EPHA3: variants seen among roughly 807,000 people sequenced by gnomAD.
EPHA3 encodes the protein EPH receptor A3, also known as ephrin type-A receptor 3.
Under a neutral mutation model 107.1 loss-of-function variants are expected in EPHA3, and 42 were observed. That is an observed-to-expected ratio of 0.39 (90% CI 0.31 to 0.51). The LOEUF is 0.51. Ranked by LOEUF, EPHA3 falls within the 20% of genes least tolerant of loss-of-function variation. The pLI is 0.78. For synonymous variants in EPHA3, 461 were observed against 424.8 expected, an observed-to-expected ratio of 1.09 and a Z score of -1.05; for missense variants, 1,183 against 1,211.2, an observed-to-expected ratio of 0.98 and a Z score of 0.35.
At chr3:89,256,474 G>A (rs1705288245) in intron 3 of EPHA3, among the ~76,000 whole-genome samples, 1 of 152,078 alleles carries the variant, frequency 6.6e-6, no homozygotes, top group Non-Finnish European at 1.5e-5. Flanking sequence ...GGGAACCTGA[G>A]GCAGGAGAAT....
chr3:89,201,132 A>G (rs1401372546), intron 2 of EPHA3, among the ~76,000 whole-genome samples: 2 of 152,184 alleles, frequency 1.3e-5, no homozygotes, highest in Non-Finnish European at 2.9e-5. Context: ...CAATCATGGC[A>G]GAAGGCAAAA....
intron 2 of EPHA3, among the ~76,000 whole-genome samples, chr3:89,151,181 G>A (rs1045558106): frequency 5.3e-5 from 8 of 151,988 alleles, no homozygotes; most frequent in East Asian, 1.9e-4. Flanking sequence ...AATATGTGCC[G>A]TCGAAAGCCA....
At chr3:89,447,886 GC>G (rs1464396046) in intron 13 of EPHA3, among the ~76,000 whole-genome samples, 1 of 152,044 alleles carries the variant, frequency 6.6e-6, no homozygotes. Flanking sequence ...GCACTATATT[GC>G]CCCCTTGAGC....
At position 89,107,701 on chromosome 3, in the gene EPHA3, C is replaced by T. The variant is rs754889341; in HGVS notation, c.-48C>T. 1 of 1,540,872 alleles carries T rather than the reference C, an allele frequency of 6.5e-7. No individual in the cohort carries two copies. The highest frequency in any genetic ancestry group is 9.0e-7 in the Non-Finnish European group (1 of 1,114,308). On this transcript the variant is annotated 5_prime_UTR_variant, in exon 1 of 17. Transcript: ENST00000336596. ...AGAGCGCTCCCCCTCACATCAGTGG[C>T]ATGCTTCATGGAGATATGCTCCTCT... is the stretch of plus-strand genomic sequence containing the variant.
chr3:89,205,044 T>C (rs1305169240), intron 2 of EPHA3, among the ~76,000 whole-genome samples: 1 of 152,174 alleles, frequency 6.6e-6, no homozygotes, highest in East Asian at 1.9e-4. Context: ...TCCCTTATAT[T>C]GTCATCCACA....
intron 2 of EPHA3, among the ~76,000 whole-genome samples, chr3:89,181,556 G>T (rs1705443114): frequency 6.6e-6 from 1 of 151,890 alleles, no homozygotes; most frequent in Non-Finnish European, 1.5e-5. Flanking sequence ...AGATGGTAGT[G>T]GAGAGAGATA....
intron 11 of EPHA3, among the ~76,000 whole-genome samples, chr3:89,419,947 A>G (rs1312807355): frequency 6.6e-6 from 1 of 151,518 alleles, no homozygotes; most frequent in Middle Eastern, 3.4e-3. Context: ...CTAGAAACCC[A>G]GGTGGATTCT....
In EPHA3 at chr3:89,481,319, T is replaced by C. The variant is rs1185574464; in HGVS notation, c.*1817T>C. ...ATATTCCTTAGTCAAATCAGGCTAC[T>C]AGAATTCTGTATTGGATATATAAGA... is the stretch of plus-strand genomic sequence containing the variant. On this transcript the variant is annotated 3_prime_UTR_variant, in exon 17 of 17. Coordinates refer to ENST00000336596, the MANE Select transcript of EPHA3 (RefSeq NM_005233.6). The C allele has an allele frequency of 1.3e-5, 3 of 232,136 alleles. No homozygotes were observed. The highest frequency in any genetic ancestry group is 6.6e-5 in the African/African-American group (3 of 45,314). The allele number at this position is 232,136 out of a possible 1,614,324, so 14.4% of individuals were successfully genotyped here.
intron 3 of EPHA3, among the ~76,000 whole-genome samples, chr3:89,306,765 T>C (rs1706632997): frequency 6.6e-6 from 1 of 152,168 alleles, no homozygotes; most frequent in African/African-American, 2.4e-5. Context: ...GTCAGAACCG[T>C]GCTGTGGTTT....
At chr3:89,137,687 A>G (rs755132028) in intron 2 of EPHA3, among the ~76,000 whole-genome samples, 2 of 152,044 alleles carry the variant, frequency 1.3e-5, no homozygotes, top group Non-Finnish European at 2.9e-5. Flanking sequence ...AAAGTAATGT[A>G]TGAGATTCCT....
intron 3 of EPHA3, among the ~76,000 whole-genome samples, chr3:89,224,222 C>G (rs1256260681): frequency 1.3e-5 from 2 of 152,044 alleles, no homozygotes; most frequent in African/African-American, 4.8e-5. Flanking sequence ...AATAATTTAC[C>G]ATGAAATTTA....
intron 7 of EPHA3, among the ~76,000 whole-genome samples, chr3:89,402,405 T>C (rs146822332): frequency 6.6e-6 from 1 of 152,140 alleles, no homozygotes; most frequent in African/African-American, 2.4e-5. Context: ...TTAATCTTTT[T>C]ACAAAAGTTA....
chr3:89,399,898 T>G (rs1412747897), intron 7 of EPHA3: 23 of 1,063,472 alleles, frequency 2.2e-5, no homozygotes, highest in Non-Finnish European at 2.3e-5. Context: ...CTTAACACAT[T>G]CAATAGCATA....
intron 3 of EPHA3, among the ~76,000 whole-genome samples, chr3:89,237,070 C>T (rs1260576341): frequency 6.6e-6 from 1 of 152,146 alleles, no homozygotes; most frequent in African/African-American, 2.4e-5. Context: ...TAAACAAATA[C>T]ATAAATATAA....
At position 89,352,247 on chromosome 3, in the gene EPHA3, A is replaced by G. The variant is rs1390545503; in HGVS notation, c.1306+10157A>G. ...ACCTCCTTCTTTTCCCCTTAGATAAACGCCTTCCTTTCTTCTGGCTGAAAA... is the reference window on the plus strand; with the variant it reads ...ACCTCCTTCTTTTCCCCTTAGATAAGCGCCTTCCTTTCTTCTGGCTGAAAA... On this transcript the variant is annotated intron_variant, in intron 5 of 16. Transcript: ENST00000336596. Among the ~76,000 whole-genome samples, 2 of 151,278 alleles carry G rather than the reference A, an allele frequency of 1.3e-5. 1 individual carries two copies. The highest frequency in any genetic ancestry group is 3.0e-5 in the Non-Finnish European group (2 of 67,602).
chr3:89,411,714 T>C (rs942240339), intron 9 of EPHA3, among the ~76,000 whole-genome samples: 1 of 151,888 alleles, frequency 6.6e-6, no homozygotes, highest in Non-Finnish European at 1.5e-5. Flanking sequence ...ACACATACTG[T>C]GAAATCCTAG....
intron 3 of EPHA3, among the ~76,000 whole-genome samples, chr3:89,302,713 C>A (rs751488901): frequency 1.3e-5 from 2 of 152,048 alleles, no homozygotes; most frequent in Non-Finnish European, 2.9e-5. Flanking sequence ...TCCATAGAAT[C>A]CTTGCTTGCT....
At chr3:89,451,880 C>CCT (rs924954431) in intron 15 of EPHA3, among the ~76,000 whole-genome samples, 1 of 144,186 alleles carries the variant, frequency 6.9e-6, no homozygotes, top group African/African-American at 2.5e-5. Context: ...TCAAGCAGGG[C>CCT]GTGTGTGTGT....
intron 13 of EPHA3, among the ~76,000 whole-genome samples, chr3:89,447,553 T>A (rs1709899527): frequency 6.6e-6 from 1 of 152,186 alleles, no homozygotes; most frequent in Non-Finnish European, 1.5e-5. Context: ...CAAGTGCATC[T>A]GTGATTAAAT....
Sources: allele counts gnomAD v4.1 joint callset (sites outside exome capture counted in the v4.1 genomes callset), GRCh38; gene constraint gnomAD v4.1.1; transcripts MANE v1.5; gene names NCBI Gene and HGNC (gene_info 2026-07-23, HGNC 2026-07-21).